Variants in UBE2H observed in about 807,000 individuals in gnomAD.
UBE2H encodes ubiquitin-conjugating enzyme E2 H.
Under a neutral mutation model 29.0 loss-of-function variants are expected in UBE2H, and 3 were observed. The observed-to-expected ratio is 0.10, with a 90% CI of 0.05 to 0.27. The LOEUF (loss-of-function observed/expected upper bound fraction) is 0.27. Ranked by LOEUF, UBE2H falls within the 10% of genes least tolerant of loss-of-function variation. UBE2H has a pLI of 1.00. For synonymous variants in UBE2H, 69 were observed against 82.9 expected (o/e 0.83, Z 0.91); for missense variants, 68 against 228.2 (o/e 0.30, Z 4.52).
chr7:129,929,882 C>A (rs1807352002), intron 1 of UBE2H, among the ~76,000 whole-genome samples: 1 of 151,904 alleles, frequency 6.6e-6, no homozygotes, highest in Non-Finnish European at 1.5e-5. Flanking sequence ...GGTGGCAGGC[C>A]CCTTGTAATC....
chr7:129,861,122 G>A lies in UBE2H; in HGVS notation c.206-2181C>T, dbSNP rs1480556623. On this transcript the variant is annotated intron_variant, in intron 3 of 6. Coordinates refer to ENST00000355621, the MANE Select transcript of UBE2H (RefSeq NM_003344.4). ...TGCCTGTAGTCCCAGCTACTCGGGAGACCGAGGTAGAGAATCACTTGAACC... is the reference window on the plus strand; with the variant it reads ...TGCCTGTAGTCCCAGCTACTCGGGAAACCGAGGTAGAGAATCACTTGAACC... 2.6e-5 allele frequency among the ~76,000 whole-genome samples: 4 copies of A among 151,962 alleles called. No individual in the cohort carries two copies. In the East Asian group the frequency reaches 5.8e-4, roughly 22 times the overall value.
intron 2 of UBE2H, among the ~76,000 whole-genome samples, 162 bp from the exon 3 acceptor site, chr7:129,879,804 T>C (rs545071460): frequency 6.6e-6 from 1 of 152,364 alleles, no homozygotes; most frequent in East Asian, 1.9e-4. Context: ...CACGTTCAGA[T>C]TAAGATACTT....
In UBE2H at chr7:129,879,635, A is replaced by G. The variant is rs1806214718; in HGVS notation, c.138T>C (p.Tyr46=). The G allele has an allele frequency of 1.9e-6, 3 of 1,612,258 alleles. No individual in the cohort carries two copies. The highest frequency in any genetic ancestry group is 1.1e-5 in the South Asian group (1 of 90,612). Residue 46 remains tyrosine (Y), a synonymous_variant, in exon 3 of 7, where the codon TAT becomes TAC. Coordinates refer to ENST00000355621, the MANE Select transcript of UBE2H (RefSeq NM_003344.4). ...VKFYGPQGTP[Y]EGGVWKVRVD... is the part of the protein sequence containing the mutation. ...CTCTAACTTTCCATACTCCGCCTTC[A>G]TATGGTGCTGAAATAAAAGTAAAAA...
intron 5 of UBE2H, among the ~76,000 whole-genome samples, chr7:129,843,245 C>T (rs1413285580): frequency 6.6e-6 from 1 of 151,926 alleles, no homozygotes; most frequent in Non-Finnish European, 1.5e-5. Context: ...GTGATCTGCC[C>T]GCCTCGGCCT....
intron 1 of UBE2H, among the ~76,000 whole-genome samples, chr7:129,943,179 A>G (rs750660053): frequency 1.3e-5 from 2 of 150,662 alleles, no homozygotes; most frequent in African/African-American, 2.4e-5. Flanking sequence ...GCCACAAAAC[A>G]TTTTTTTTAG....
At chr7:129,862,416 A>C (rs1805819611) in intron 3 of UBE2H, among the ~76,000 whole-genome samples, 1 of 152,202 alleles carries the variant, frequency 6.6e-6, no homozygotes, top group Admixed American at 6.5e-5. Flanking sequence ...ACTTAAGGGG[A>C]AATACCTGTA....
Position 129,833,495 on chromosome 7 carries a change from C to CA in UBE2H, c.*1441dup, listed in dbSNP as rs1342050883. The CA allele has an allele frequency of 1.3e-5, 2 of 152,220 alleles. No homozygotes were observed. Among genetic ancestry groups the CA allele is most frequent in the African/African-American group, 4.8e-5 (2 of 41,452 alleles). 9.4% of individuals were successfully genotyped at this position (152,220 alleles called of 1,614,324 possible). A position where few individuals can be genotyped will look rare whatever the true frequency, so the allele number is the denominator to read the frequency against. On this transcript the variant is annotated 3_prime_UTR_variant, in exon 7 of 7. Transcript: ENST00000355621. ...CCCTCCGAGTTCAGCAGGCAACACT[C>CA]AGATTTGAAAGAAACTCTGCAGCAA...
intron 1 of UBE2H, chr7:129,949,179 T>C: frequency 3.0e-6 from 1 of 335,178 alleles, no homozygotes; most frequent in Non-Finnish European, 6.1e-6. Context: ...AGGAAACCCG[T>C]GTAATCTGAG....
At chr7:129,935,276 T>G (rs1044659195) in intron 1 of UBE2H, among the ~76,000 whole-genome samples, 3 of 151,426 alleles carry the variant, frequency 2.0e-5, no homozygotes, top group African/African-American at 2.4e-5. Flanking sequence ...TTGCTGGGCG[T>G]GGTAGTGCAT....
At chr7:129,872,419 C>T (rs1366009610) in intron 3 of UBE2H, among the ~76,000 whole-genome samples, 1 of 151,976 alleles carries the variant, frequency 6.6e-6, no homozygotes, top group Admixed American at 6.6e-5. Flanking sequence ...AACCTCCACT[C>T]CAAAAATAGT....
chr7:129,918,982 G>T (rs958138632), intron 1 of UBE2H, among the ~76,000 whole-genome samples: 3 of 151,922 alleles, frequency 2.0e-5, no homozygotes, highest in Non-Finnish European at 4.4e-5. Flanking sequence ...TACTGAGGTG[G>T]CTGAGGTAGA....
intron 2 of UBE2H, 141 bp downstream of exon 2, chr7:129,880,754 G>T (rs757704572): frequency 6.0e-6 from 4 of 669,476 alleles, no homozygotes; most frequent in Non-Finnish European, 7.4e-6. Flanking sequence ...TGTGATAAGA[G>T]AAAGATTTCC....
intron 1 of UBE2H, among the ~76,000 whole-genome samples, chr7:129,943,205 G>A (rs1167190089): frequency 2.0e-5 from 3 of 151,484 alleles, no homozygotes; most frequent in African/African-American, 7.3e-5. Context: ...GCCTTGCCCT[G>A]TCACCCAGGC....
At chr7:129,923,106 T>C (rs917463378) in intron 1 of UBE2H, among the ~76,000 whole-genome samples, 5 of 151,982 alleles carry the variant, frequency 3.3e-5, no homozygotes, top group African/African-American at 1.2e-4. Flanking sequence ...TCCACCGTGT[T>C]AGCCAGGATG....
intron 1 of UBE2H, among the ~76,000 whole-genome samples, chr7:129,917,432 C>CTG (rs1208256659): frequency 1.3e-5 from 2 of 152,142 alleles, no homozygotes; most frequent in African/African-American, 4.8e-5. Flanking sequence ...ATCAGCTAAA[C>CTG]TGTGTGTGTG....
intron 3 of UBE2H, among the ~76,000 whole-genome samples, chr7:129,875,168 T>C (rs1415314818): frequency 6.6e-6 from 1 of 152,206 alleles, no homozygotes; most frequent in African/African-American, 2.4e-5. Context: ...TTGTAGACTA[T>C]TTGGAAATTA....
At chr7:129,907,522 A>G (rs988982760) in intron 1 of UBE2H, among the ~76,000 whole-genome samples, 1 of 152,232 alleles carries the variant, frequency 6.6e-6, no homozygotes, top group African/African-American at 2.4e-5. Flanking sequence ...GGTAGATAAA[A>G]GCAGATAAGT....
intron 1 of UBE2H, among the ~76,000 whole-genome samples, chr7:129,891,149 C>A (rs1230127210): frequency 6.6e-6 from 1 of 150,972 alleles, no homozygotes; most frequent in Non-Finnish European, 1.5e-5. Context: ...AAAAAATAGT[C>A]AACTTATAAA....
At chr7:129,944,722 AC>A (rs1275730691) in intron 1 of UBE2H, among the ~76,000 whole-genome samples, 2 of 97,168 alleles carry the variant, frequency 2.1e-5, no homozygotes, top group East Asian at 8.0e-4. Context: ...CAAAACACAC[AC>A]ACACACACAC....
Sources: allele counts gnomAD v4.1 joint callset (sites outside exome capture counted in the v4.1 genomes callset), GRCh38; gene constraint gnomAD v4.1.1; transcripts MANE v1.5; gene names NCBI Gene and HGNC (gene_info 2026-07-23, HGNC 2026-07-21).